The following PAX4 variants were observed in gnomAD, a reference collection of about 807,000 sequenced individuals.
PAX4 encodes the protein paired box 4, also known as paired box protein Pax-4.
A neutral mutation model predicts 40.6 loss-of-function variants in PAX4; 33 were observed. That is an observed-to-expected ratio of 0.81 (90% CI 0.62 to 1.09). The LOEUF (loss-of-function observed/expected upper bound fraction) is 1.09, where lower values mean the gene tolerates loss of function less well. Among genes scored for constraint, PAX4 ranks in the 50% least tolerant of loss-of-function variants. The probability of loss-of-function intolerance (pLI) is 0.00; values close to 1 mark genes in which losing one functional copy is unlikely to be tolerated. For missense variants in PAX4, 459 were observed against 442.5 expected, an observed-to-expected ratio of 1.04 and a Z score of -0.33; for synonymous variants, 174 against 170.6, an observed-to-expected ratio of 1.02 and a Z score of -0.16.
At position 127,615,510 on chromosome 7, in the gene PAX4, A is replaced by G. The variant is rs1794710905; in HGVS notation, c.35T>C (p.Leu12Pro). Residue 12 changes from leucine (L) to proline (P), a missense_variant, in exon 4 of 12, where the codon CTT becomes CCT. By Grantham distance (98) the Leu-to-Pro change is moderately conservative. Transcript: ENST00000639438. The part of the protein sequence containing the change: ...HQDGISSMNQ[L>P]GGLFVNGRPL... ...CCGGCCATTCACAAAGAGCCCCCCA[A>G]GCTGGTTCATGCTGCTGATCCCTGG... 6.2e-7 allele frequency: 1 copy of G among 1,613,990 alleles called. No homozygotes were observed. The highest frequency in any genetic ancestry group is 1.1e-5 in the South Asian group (1 of 91,082).
rs369459316 is a variant in PAX4, at chr7:127,613,061, G to T, written c.676C>A (p.Arg226Ser). Residue 226 changes from arginine to serine, a missense_variant, in exon 9 of 12, where the codon CGT becomes AGT. Coordinates refer to ENST00000639438, the MANE Select transcript of PAX4 (RefSeq NM_001366110.1). ...VWFSNRRAKW[R>S]RQEKLKWEMQ... ...TCCCACTTGAGCTTCTCTTGCCGACGCCATTTGGCTCTTCTGTTGGAAAAC... is the reference window on the plus strand; with the variant it reads ...TCCCACTTGAGCTTCTCTTGCCGACTCCATTTGGCTCTTCTGTTGGAAAAC... 1.9e-6 allele frequency: 3 copies of T among 1,613,380 alleles called. No homozygotes were observed. Among genetic ancestry groups the T allele is most frequent in the Non-Finnish European group, 2.5e-6 (3 of 1,179,934 alleles).
chr7:127,614,362 C>T (rs1284834223), intron 6 of PAX4, 120 bp downstream of exon 6: 3 of 811,590 alleles, frequency 3.7e-6, no homozygotes, highest in Non-Finnish European at 6.3e-6. Flanking sequence ...ACTCCCTGCC[C>T]AGTCCTCCTT....
chr7:127,612,463 ATGGG>A (rs139877519), intron 9 of PAX4, among the ~76,000 whole-genome samples: 5,578 of 137,506 alleles, frequency 0.041, 287 homozygotes, highest in African/African-American at 0.13. Flanking sequence ...GCATGAATGA[ATGGG>A]TGGATGGATG....
chr7:127,612,749 AAATGGATGGATG>A (rs554031770), intron 9 of PAX4, among the ~76,000 whole-genome samples: 1 of 145,312 alleles, frequency 6.9e-6, no homozygotes, highest in South Asian at 2.3e-4. Context: ...GTGGATGGAT[AAATGGATGGATG>A]AATGGAGGAT....
chr7:127,613,056 C>T lies in PAX4; in HGVS notation c.681G>A (p.Arg227=). ...WFSNRRAKWR[R]QEKLKWEMQL... ...GCATTTCCCACTTGAGCTTCTCTTG[C>T]CGACGCCATTTGGCTCTTCTGTTGG... Residue 227 remains arginine (R), a synonymous_variant, in exon 9 of 12, where the codon CGG becomes CGA. Transcript: ENST00000639438. 6.2e-7 allele frequency: 1 copy of T among 1,613,354 alleles called. No homozygotes were observed. Among genetic ancestry groups the T allele is most frequent in the Non-Finnish European group, 8.5e-7 (1 of 1,179,972 alleles).
intron 10 of PAX4, 131 bp from the exon 11 acceptor site, chr7:127,611,807 G>T: frequency 1.3e-6 from 2 of 1,596,348 alleles, no homozygotes; most frequent in South Asian, 2.2e-5. Context: ...TCACATAGTA[G>T]ACTTTGGGTT....
intron 10 of PAX4, 131 bp downstream of exon 10, chr7:127,611,814 G>A: frequency 6.3e-7 from 1 of 1,595,002 alleles, no homozygotes; most frequent in South Asian, 1.1e-5. Flanking sequence ...GTAGACTTTG[G>A]GTTAGTACTT....
chr7:127,613,433 T>C lies in PAX4; in HGVS notation c.645+17A>G. The C allele has an allele frequency of 6.2e-7, 1 of 1,612,412 alleles. No homozygotes were observed. Among genetic ancestry groups the C allele is most frequent in the Non-Finnish European group, 8.5e-7 (1 of 1,178,474 alleles). On this transcript the variant is annotated intron_variant, in intron 8 of 11. Coordinates refer to ENST00000639438, the MANE Select transcript of PAX4 (RefSeq NM_001366110.1). ...CTTCCTCCTTGTGGTTTGTACAGTG[T>C]TGCAGAGCTCACTCACCCTCACCGT...
At position 127,610,692 on chromosome 7, in the gene PAX4, A is replaced by G; in HGVS notation, c.*372T>C. ...TTGCCTACATACATGCATAGATTAG[A>G]TGGTAGATACATAGATGTAAATAAA... On this transcript the variant is annotated 3_prime_UTR_variant, in exon 12 of 12. Coordinates refer to ENST00000639438, the MANE Select transcript of PAX4 (RefSeq NM_001366110.1). The G allele has an allele frequency of 1.6e-6, 1 of 615,486 alleles. No homozygotes were observed. The allele number at this position is 615,486 out of a possible 1,614,324, so 38.1% of individuals were successfully genotyped here.
At position 127,615,036 on chromosome 7, in the gene PAX4, C is replaced by A. The variant is rs1318194781; in HGVS notation, c.204G>T (p.Glu68Asp). The A allele has an allele frequency of 6.2e-7, 1 of 1,614,102 alleles. No homozygotes were observed. Among genetic ancestry groups the A allele is most frequent in the Non-Finnish European group, 8.5e-7 (1 of 1,180,048 alleles). The change falls in exon 5 of 12, where the codon GAG becomes GAT. Residue 68 changes from glutamate to aspartate, a missense_variant. Glu to Asp is a conservative substitution (Grantham distance 45, BLOSUM62 2). Transcript: ENST00000639438. ...LGRYYRTGVLEPKGIGGSKPR... is the reference protein window; with the variant it reads ...LGRYYRTGVLDPKGIGGSKPR... ...GCTTGCTTCCCCCAATGCCCTTTGG[C>A]TCCAAGACACCTGTGCGGTAGTAAC...
At position 127,613,556 on chromosome 7, in the gene PAX4, G is replaced by A. The variant is rs370988777; in HGVS notation, c.563-24C>T. 489 of 1,613,096 alleles carry A rather than the reference G, an allele frequency of 3.0e-4. No individual in the cohort carries two copies. The highest frequency in any genetic ancestry group is 4.0e-4 in the Non-Finnish European group (473 of 1,179,170). On this transcript the variant is annotated intron_variant, in intron 7 of 11. Coordinates refer to ENST00000639438, the MANE Select transcript of PAX4 (RefSeq NM_001366110.1). ...CTCTGCGGAGATCGAGTCTCACAAA[G>A]TAAGGGCACCGGGAGAGGAGCAAGG... is the stretch of plus-strand genomic sequence containing the variant.
chr7:127,611,453 T>G, intron 11 of PAX4, 82 bp downstream of exon 11: 2 of 1,606,336 alleles, frequency 1.2e-6, no homozygotes, highest in Non-Finnish European at 1.7e-6. Flanking sequence ...TGACCCCCAA[T>G]GGAGATCCAT....
chr7:127,610,595 A>AC lies in PAX4; in HGVS notation c.*468_*469insG. 3.9e-6 allele frequency: 2 copies of AC among 514,918 alleles called. No homozygotes were observed. The highest frequency in any genetic ancestry group is 7.0e-6 in the Non-Finnish European group (2 of 285,156). The allele number at this position is 514,918 out of a possible 1,614,324, so 31.9% of individuals were successfully genotyped here. ...TGCGCGCACGCATGCACGCATACAT[A>AC]ATACACATATAGATGCATACATAGA... On this transcript the variant is annotated 3_prime_UTR_variant, in exon 12 of 12. Transcript: ENST00000639438.
At position 127,610,900 on chromosome 7, in the gene PAX4, G is replaced by T; in HGVS notation, c.*164C>A. On this transcript the variant is annotated 3_prime_UTR_variant, in exon 12 of 12. Coordinates refer to ENST00000639438, the MANE Select transcript of PAX4 (RefSeq NM_001366110.1). ...TTGCTTTACCAGCCCCTCCAATCAG[G>T]TGATGCGCCAGAGAGGCATCGAGGC... is the stretch of plus-strand genomic sequence containing the variant. The T allele has an allele frequency of 6.5e-7, 1 of 1,543,876 alleles. No individual in the cohort carries two copies. Among genetic ancestry groups the T allele is most frequent in the African/African-American group, 1.4e-5 (1 of 73,172 alleles).
chr7:127,612,982 T>C (rs1468519870), intron 9 of PAX4, 40 bp downstream of exon 9: 2 of 1,474,988 alleles, frequency 1.4e-6, no homozygotes, highest in African/African-American at 1.4e-5. Flanking sequence ...GATGGATAGA[T>C]GACTGAGCGG....
In PAX4 at chr7:127,612,959, GGA is replaced by G. The variant is rs1352582474; in HGVS notation, c.715+61_715+62del. ...AGGATGGATGGATGGATGGATGGAT[GGA>G]TGGATGGATGGATGGATAGATGACT... On this transcript the variant is annotated intron_variant, in intron 9 of 11. Transcript: ENST00000639438. 2.0e-5 allele frequency: 24 copies of G among 1,205,680 alleles called. No homozygotes were observed. In the African/African-American group the frequency reaches 3.4e-4, roughly 17 times the overall value. 74.7% of individuals were successfully genotyped at this position (1,205,680 alleles called of 1,614,324 possible). A position where few individuals can be genotyped will look rare whatever the true frequency, so the allele number is the denominator to read the frequency against.
chr7:127,613,865 A>G lies in PAX4; in HGVS notation c.453T>C (p.Ala151=). 5.6e-6 allele frequency: 9 copies of G among 1,614,096 alleles called. No individual in the cohort carries two copies. The highest frequency in any genetic ancestry group is 7.6e-6 in the Non-Finnish European group (9 of 1,180,008). ...CAGAGCCACTATGGGGAGTGAGGAC[A>G]GCTGGAGCCAAAACAGCTGAAAAGG... ...RLRSPAVLAP[A]VLTPHSGSET... The change falls in exon 7 of 12, where the codon GCT becomes GCC. Residue 151 remains alanine, a synonymous_variant. Coordinates refer to ENST00000639438, the MANE Select transcript of PAX4 (RefSeq NM_001366110.1).
chr7:127,613,945 CCT>C (rs1562960464), intron 6 of PAX4, 64 bp from the exon 7 acceptor site: 4 of 1,597,296 alleles, frequency 2.5e-6, no homozygotes, highest in Admixed American at 1.7e-5. Context: ...AGATGGGGTC[CCT>C]GAGTCTCTGG....
intron 7 of PAX4, 55 bp downstream of exon 7, chr7:127,613,701 T>C (rs978604286): frequency 6.2e-7 from 1 of 1,612,486 alleles, no homozygotes; most frequent in Non-Finnish European, 8.5e-7. Context: ...TCAGGGCCAC[T>C]GTCCCTGTGT....
Sources: gnomAD v4.1 joint callset for allele counts (sites outside exome capture counted in the v4.1 genomes callset) on GRCh38, gnomAD v4.1.1 for gene constraint, MANE v1.5 for transcripts, NCBI Gene and HGNC (gene_info 2026-07-23, HGNC 2026-07-21) for gene names.